SLC26A7: variants seen among roughly 807,000 people sequenced by gnomAD.
The protein encoded by SLC26A7 is solute carrier family 26 member 7.
In SLC26A7, 59 loss-of-function variants were observed where a neutral mutation model predicts 82.5. The observed-to-expected ratio is 0.72, with a 90% CI of 0.58 to 0.89. The LOEUF is 0.89. Ranked by LOEUF, SLC26A7 falls within the 40% of genes least tolerant of loss-of-function variation. The pLI, the probability that SLC26A7 is intolerant of heterozygous loss-of-function variation, is 0.00. For synonymous variants in SLC26A7, 271 were observed against 274.3 expected, an observed-to-expected ratio of 0.99 and a Z score of 0.12; for missense variants, 820 against 793.0, an observed-to-expected ratio of 1.03 and a Z score of -0.41.
intron 3 of SLC26A7, among the ~76,000 whole-genome samples, chr8:91,291,872 C>T (rs1811878838): frequency 6.6e-6 from 1 of 152,194 alleles, no homozygotes; most frequent in African/African-American, 2.4e-5. Flanking sequence ...TCTGATTTCC[C>T]TTCTGTTAAG....
At chr8:91,332,987 A>T (rs1386199139) in intron 5 of SLC26A7, among the ~76,000 whole-genome samples, 5 of 152,194 alleles carry the variant, frequency 3.3e-5, no homozygotes, top group African/African-American at 1.2e-4. Flanking sequence ...ATTTCCAGAC[A>T]ACAAAATTCC....
Position 91,366,633 on chromosome 8 carries a change from G to T in SLC26A7, c.1542G>T (p.Leu514=). ...IISINNPLVF[L]NAKKFYTDLM... The stretch of plus-strand genomic sequence containing the variant: ...CAATAAACAACCCGCTTGTTTTCCT[G>T]AATGCAAAAAAATTTTATACTGATT... The change falls in exon 14 of 19, where the codon CTG becomes CTT. Residue 514 remains leucine (L), a synonymous_variant. Transcript: ENST00000276609. 6.2e-7 allele frequency: 1 copy of T among 1,613,292 alleles called. No individual in the cohort carries two copies. Among genetic ancestry groups the T allele is most frequent in the Non-Finnish European group, 8.5e-7 (1 of 1,179,754 alleles).
intron 2 of SLC26A7, among the ~76,000 whole-genome samples, chr8:91,279,939 T>A (rs896277650): frequency 1.6e-4 from 25 of 152,160 alleles, no homozygotes; most frequent in African/African-American, 6.0e-4. Flanking sequence ...TTTGCCCATT[T>A]AAAAAAATCA....
At chr8:91,218,401 C>A (rs1228416392) in intron 1 of SLC26A7, among the ~76,000 whole-genome samples, 1 of 149,808 alleles carries the variant, frequency 6.7e-6, no homozygotes, top group Non-Finnish European at 1.5e-5. Context: ...AGGCAACTTG[C>A]CTGAGACCCA....
At chr8:91,287,468 G>T (rs1308415232) in intron 2 of SLC26A7, among the ~76,000 whole-genome samples, 1 of 152,132 alleles carries the variant, frequency 6.6e-6, no homozygotes. Flanking sequence ...AGCCAAATGG[G>T]TCTACCTCTG....
At chr8:91,238,877 A>G (rs1045451939) in intron 2 of SLC26A7, among the ~76,000 whole-genome samples, 4 of 152,152 alleles carry the variant, frequency 2.6e-5, no homozygotes, top group African/African-American at 9.7e-5. Context: ...ATTTAATTAG[A>G]TGGATATTTT....
At chr8:91,364,235 T>C (rs1227903355) in intron 13 of SLC26A7, among the ~76,000 whole-genome samples, 1 of 152,224 alleles carries the variant, frequency 6.6e-6, no homozygotes, top group Non-Finnish European at 1.5e-5. Flanking sequence ...ATTTTGAACC[T>C]GCTTTGTAAA....
intron 4 of SLC26A7, among the ~76,000 whole-genome samples, chr8:91,306,841 C>T (rs976977144): frequency 6.6e-6 from 1 of 151,902 alleles, no homozygotes; most frequent in Non-Finnish European, 1.5e-5. Flanking sequence ...TCACAAGCAG[C>T]TAAGACTACA....
intron 2 of SLC26A7, among the ~76,000 whole-genome samples, chr8:91,233,834 G>A (rs752752587): frequency 6.6e-6 from 1 of 152,142 alleles, no homozygotes; most frequent in Non-Finnish European, 1.5e-5. Context: ...GAATTTCCTT[G>A]TTGCTATAGA....
At chr8:91,371,995 T>G (rs1814375894) in intron 15 of SLC26A7, among the ~76,000 whole-genome samples, 1 of 152,054 alleles carries the variant, frequency 6.6e-6, no homozygotes, top group South Asian at 2.1e-4. Context: ...ATTAATGATG[T>G]TGAGCATTTT....
chr8:91,235,974 A>G (rs1810387638), intron 2 of SLC26A7, among the ~76,000 whole-genome samples: 1 of 152,142 alleles, frequency 6.6e-6, no homozygotes, highest in South Asian at 2.1e-4. Flanking sequence ...TGCCCTATTC[A>G]TTACTTTCTG....
At chr8:91,239,305 G>A (rs1810434489) in intron 2 of SLC26A7, among the ~76,000 whole-genome samples, 1 of 146,498 alleles carries the variant, frequency 6.8e-6, no homozygotes, top group African/African-American at 2.6e-5. Flanking sequence ...GGGAGGCGGA[G>A]CTCACAGTGA....
At chr8:91,263,035 TA>T (rs1811010936) in intron 2 of SLC26A7, among the ~76,000 whole-genome samples, 1 of 152,054 alleles carries the variant, frequency 6.6e-6, no homozygotes, top group African/African-American at 2.4e-5. Flanking sequence ...TTATCTGTAT[TA>T]AAACCAATTC....
intron 2 of SLC26A7, among the ~76,000 whole-genome samples, chr8:91,241,812 G>C (rs1483102063): frequency 6.6e-6 from 1 of 152,066 alleles, no homozygotes; most frequent in Non-Finnish European, 1.5e-5. Context: ...CTGCGTGACC[G>C]TATCTTAGAA....
chr8:91,237,163 C>A (rs1218545217), intron 2 of SLC26A7, among the ~76,000 whole-genome samples: 1 of 152,214 alleles, frequency 6.6e-6, no homozygotes, highest in Non-Finnish European at 1.5e-5. Flanking sequence ...CAATTCACTA[C>A]ACCAAAATCC....
chr8:91,289,647 G>GAA (rs111279250), intron 3 of SLC26A7, among the ~76,000 whole-genome samples: 2 of 117,768 alleles, frequency 1.7e-5, no homozygotes, highest in Non-Finnish European at 3.7e-5. Context: ...TCTGTCTCAA[G>GAA]AAAAAAAAAA....
intron 2 of SLC26A7, among the ~76,000 whole-genome samples, chr8:91,280,679 CT>C (rs1188630561): frequency 1.3e-5 from 2 of 151,920 alleles, no homozygotes; most frequent in South Asian, 2.1e-4. Flanking sequence ...TTTTCCCCTA[CT>C]TTTTTTTTCT....
chr8:91,390,844 A>G (rs561053470), intron 16 of SLC26A7, among the ~76,000 whole-genome samples: 1 of 152,032 alleles, frequency 6.6e-6, no homozygotes, highest in Admixed American at 6.5e-5. Context: ...GGCTCACCCC[A>G]TTTGTCCACC....
At chr8:91,372,045 T>C (rs940818936) in intron 15 of SLC26A7, among the ~76,000 whole-genome samples, 4 of 152,194 alleles carry the variant, frequency 2.6e-5, no homozygotes, top group South Asian at 2.1e-4. Context: ...TTTTGAGAAG[T>C]GTCTGTTAAT....
Sources: gnomAD v4.1 joint callset for allele counts (sites outside exome capture counted in the v4.1 genomes callset) on GRCh38, gnomAD v4.1.1 for gene constraint, MANE v1.5 for transcripts, NCBI Gene and HGNC (gene_info 2026-07-23, HGNC 2026-07-21) for gene names.